The following PUS7 variants were observed in gnomAD, a reference collection of about 807,000 sequenced individuals.
PUS7 encodes pseudouridine synthase 7.
PUS7 carries 48 observed loss-of-function variants against 79.8 expected under a neutral mutation model. The observed-to-expected ratio is 0.60, with a 90% CI of 0.48 to 0.76. PUS7 has a LOEUF of 0.76. PUS7 is among the 30% of genes least tolerant of loss of function. The pLI is 0.00. For missense variants in PUS7, 729 were observed against 797.6 expected, an observed-to-expected ratio of 0.91 and a Z score of 1.04; for synonymous variants, 286 against 272.2, an observed-to-expected ratio of 1.05 and a Z score of -0.50.
Position 105,508,222 on chromosome 7 carries a change from TTCC to T in PUS7, c.288_290del (p.Glu97del). The T allele has an allele frequency of 6.2e-7, 1 of 1,614,154 alleles. No individual in the cohort carries two copies. Among genetic ancestry groups the T allele is most frequent in the Non-Finnish European group, 8.5e-7 (1 of 1,180,026 alleles). ...TCATCATGTCTGCAAAACTCTCTGA[TTCC>T]TCCTCCTCGCACTCCTCTGAAAGTC... is the stretch of plus-strand genomic sequence containing the variant. On this transcript the variant is annotated inframe_deletion, in exon 2 of 16. Coordinates refer to ENST00000469408, the MANE Select transcript of PUS7 (RefSeq NM_019042.5).
chr7:105,505,162 G>A (rs983915552), intron 4 of PUS7, among the ~76,000 whole-genome samples: 2 of 151,720 alleles, frequency 1.3e-5, no homozygotes, highest in East Asian at 3.9e-4. Flanking sequence ...TACCACGCTT[G>A]GCTAATTTTT....
At chr7:105,514,145 G>T (rs1825803563) in intron 1 of PUS7, among the ~76,000 whole-genome samples, 1 of 138,524 alleles carries the variant, frequency 7.2e-6, no homozygotes. Context: ...GCAGGAGAAT[G>T]GCGTGAACCC....
chr7:105,507,666 C>T (rs530989205), intron 2 of PUS7, among the ~76,000 whole-genome samples: 166 of 152,138 alleles, frequency 1.1e-3, no homozygotes, highest in Non-Finnish European at 1.8e-3. Context: ...CTCAGCCTCC[C>T]GAGTAGCTGG....
intron 14 of PUS7, 126 bp downstream of exon 14, chr7:105,462,495 C>A: frequency 9.9e-7 from 1 of 1,009,764 alleles, no homozygotes; most frequent in Admixed American, 2.5e-5. Context: ...TATGATACCA[C>A]CATCATATAA....
intron 1 of PUS7, among the ~76,000 whole-genome samples, chr7:105,520,263 T>A (rs1007259698): frequency 2.2e-4 from 34 of 151,828 alleles, no homozygotes; most frequent in African/African-American, 8.0e-4. Context: ...ATCGAGACCA[T>A]CCTGGCTAAC....
In PUS7 at chr7:105,481,100, C is replaced by A. The variant is rs767845633; in HGVS notation, c.1127G>T (p.Gly376Val). Reference protein sequence around the residue: ...LKEIGFINYYGMQRFGTTAVP... With the variant: ...LKEIGFINYYVMQRFGTTAVP... ...AGCTGTGGTTCCAAATCTTTGCATT[C>A]CATAGTAGTTAATAAATCCAATCTC... The change falls in exon 9 of 16, where the codon GGA becomes GTA. Residue 376 changes from glycine (G) to valine (V), a missense_variant. Physicochemically the swap from Gly to Val is moderately radical, Grantham distance 109. Coordinates refer to ENST00000469408, the MANE Select transcript of PUS7 (RefSeq NM_019042.5). 6.2e-7 allele frequency: 1 copy of A among 1,613,018 alleles called. No homozygotes were observed. The highest frequency in any genetic ancestry group is 8.5e-7 in the Non-Finnish European group (1 of 1,179,292).
intron 14 of PUS7, among the ~76,000 whole-genome samples, chr7:105,460,063 C>T (rs1478652666): frequency 2.0e-5 from 3 of 152,196 alleles, no homozygotes; most frequent in African/African-American, 4.8e-5. Flanking sequence ...CTCAGCCTCC[C>T]GAGTAGCTGG....
chr7:105,457,885 G>C lies in PUS7; in HGVS notation c.1891C>G (p.Pro631Ala), dbSNP rs772966637. ...ATGGCCATGGTGGCGTAAGTAGAAG[G>C]GGGTAGAGAAAAATCCATTTTCAGA... The part of the protein sequence containing the change: ...RALKMDFSLP[P>A]STYATMAIRE... Residue 631 changes from proline (P) to alanine (A), a missense_variant, in exon 16 of 16, where the codon CCT (proline) becomes GCT (alanine). Transcript: ENST00000469408. 1.2e-5 allele frequency: 20 copies of C among 1,613,906 alleles called. No individual in the cohort carries two copies. Among genetic ancestry groups the C allele is most frequent in the East Asian group, 2.2e-5 (1 of 44,892 alleles).
intron 9 of PUS7, among the ~76,000 whole-genome samples, chr7:105,474,474 A>G (rs1363783821): frequency 6.6e-6 from 1 of 152,122 alleles, no homozygotes; most frequent in Admixed American, 6.6e-5. Flanking sequence ...TTTACACTAA[A>G]AAACCTTTGT....
At chr7:105,470,441 T>C (rs975661038) in intron 11 of PUS7, 7 of 351,344 alleles carry the variant, frequency 2.0e-5, no homozygotes, top group Non-Finnish European at 3.6e-5. Flanking sequence ...ACACAGAATT[T>C]CCACTGAAGA....
Position 105,462,746 on chromosome 7 carries a change from T to G in PUS7, c.1632A>C (p.Gln544His). 1 of 1,610,116 alleles carries G rather than the reference T, an allele frequency of 6.2e-7. No homozygotes were observed. Among genetic ancestry groups the G allele is most frequent in the Non-Finnish European group, 8.5e-7 (1 of 1,179,144 alleles). ...FDVIYPKHKI[Q>H]EAYREMLTAD... ...CTGTGAGCATTTCCCTGTAGGCTTC[T>G]TGAACTAATATAAAATACAAAAAGT... Residue 544 changes from glutamine (Q) to histidine (H), a missense_variant, in exon 14 of 16, where the codon CAA becomes CAC. By Grantham distance (24) the Gln-to-His change is conservative. Transcript: ENST00000469408.
chr7:105,500,219 C>G (rs1265922201), intron 5 of PUS7, among the ~76,000 whole-genome samples: 1 of 152,052 alleles, frequency 6.6e-6, no homozygotes, highest in Non-Finnish European at 1.5e-5. Context: ...TGAAGGTGTC[C>G]AAACGAAAAT....
Position 105,457,789 on chromosome 7 carries a change from C to T in PUS7, c.*1G>A. The T allele has an allele frequency of 1.2e-6, 2 of 1,613,846 alleles. No individual in the cohort carries two copies. On this transcript the variant is annotated 3_prime_UTR_variant, in exon 16 of 16. Coordinates refer to ENST00000469408, the MANE Select transcript of PUS7 (RefSeq NM_019042.5). ...TTTCTAATCTGTGGACAAGGTACTG[C>T]TCAGCGAAGCCAGGTTGTATTCAGC... is the stretch of plus-strand genomic sequence containing the variant.
rs79659042 is a variant in PUS7 at position 105,513,238 on chromosome 7, C to T, written c.-32-4694G>A. Among the ~76,000 whole-genome samples the T allele has an allele frequency of 8.3e-3, 1,257 of 152,292 alleles. 12 individuals carry two copies. Among genetic ancestry groups the T allele is most frequent in the African/African-American group, 0.029 (1,210 of 41,556 alleles). On this transcript the variant is annotated intron_variant, in intron 1 of 15. Transcript: ENST00000469408. ...TCTACCAGGAGATCCTGATGCCCTTCCAGAGGCCAGAACTCTCAGTAAGGA... is the reference window on the plus strand; with the variant it reads ...TCTACCAGGAGATCCTGATGCCCTTTCAGAGGCCAGAACTCTCAGTAAGGA...
intron 6 of PUS7, among the ~76,000 whole-genome samples, chr7:105,494,378 T>C (rs901734706): frequency 1.3e-4 from 19 of 150,184 alleles, no homozygotes; most frequent in Non-Finnish European, 5.9e-5. Context: ...GAAGAAACAA[T>C]GCACTTCCTA....
intron 6 of PUS7, among the ~76,000 whole-genome samples, chr7:105,492,282 T>G (rs534740619): frequency 7.5e-4 from 114 of 151,394 alleles, no homozygotes; most frequent in African/African-American, 2.8e-3. Context: ...TAAGACCTGC[T>G]CTCTTTAAAA....
intron 9 of PUS7, among the ~76,000 whole-genome samples, chr7:105,477,707 C>CA (rs1024198697): frequency 1.2e-4 from 18 of 151,030 alleles, no homozygotes; most frequent in African/African-American, 3.4e-4. Context: ...CCACCCCCAC[C>CA]AAAAAAAAAT....
chr7:105,489,015 G>A (rs1366473964), intron 7 of PUS7, among the ~76,000 whole-genome samples: 5 of 151,906 alleles, frequency 3.3e-5, no homozygotes, highest in African/African-American at 1.2e-4. Flanking sequence ...GGGCATGGTG[G>A]CGGGCGCCTG....
chr7:105,491,236 G>A (rs181057967), intron 7 of PUS7, among the ~76,000 whole-genome samples: 3 of 151,998 alleles, frequency 2.0e-5, no homozygotes, highest in Non-Finnish European at 4.4e-5. Flanking sequence ...TGTAGCTCTC[G>A]GGTGTACAAC....
Sources: allele counts gnomAD v4.1 joint callset (sites outside exome capture counted in the v4.1 genomes callset), GRCh38; gene constraint gnomAD v4.1.1; transcripts MANE v1.5; gene names NCBI Gene and HGNC (gene_info 2026-07-23, HGNC 2026-07-21).